EDNRB: variants seen among roughly 807,000 people sequenced by gnomAD.
EDNRB encodes the protein Hirschsprung disease 2.
A neutral mutation model predicts 46.4 loss-of-function variants in EDNRB; 18 were observed. That is an observed-to-expected ratio of 0.39 (90% CI 0.27 to 0.57). EDNRB has a LOEUF of 0.57. EDNRB is among the 20% of genes least tolerant of loss of function. The pLI, the probability that EDNRB is intolerant of heterozygous loss-of-function variation, is 0.61. For missense variants in EDNRB, 434 were observed against 537.5 expected, an observed-to-expected ratio of 0.81 and a Z score of 1.90; for synonymous variants, 213 against 204.9, an observed-to-expected ratio of 1.04 and a Z score of -0.34.
chr13:77,956,711 C>A (rs1237187849), intron 1 of EDNRB, among the ~76,000 whole-genome samples: 1 of 152,182 alleles, frequency 6.6e-6, no homozygotes, highest in South Asian at 2.1e-4. Context: ...TTTCTGGAGG[C>A]TATAAGAGAA....
chr13:77,945,938 C>G (rs1456224249), intron 1 of EDNRB, among the ~76,000 whole-genome samples: 1 of 148,342 alleles, frequency 6.7e-6, no homozygotes, highest in Non-Finnish European at 1.5e-5. Context: ...GTATCTGAAT[C>G]AGACTCAGAT....
intron 1 of EDNRB, among the ~76,000 whole-genome samples, chr13:77,962,785 G>A (rs1881465300): frequency 6.6e-6 from 1 of 152,162 alleles, no homozygotes; most frequent in African/African-American, 2.4e-5. Context: ...AATCAGGCAG[G>A]AGAAAGAAAT....
At chr13:77,931,384 T>C (rs1383070340) in intron 1 of EDNRB, among the ~76,000 whole-genome samples, 1 of 152,098 alleles carries the variant, frequency 6.6e-6, no homozygotes, top group Non-Finnish European at 1.5e-5. Flanking sequence ...TTGGAAAAAC[T>C]TTGGAAATAG....
chr13:77,960,587 C>T (rs1437896449), intron 1 of EDNRB, among the ~76,000 whole-genome samples: 1 of 152,096 alleles, frequency 6.6e-6, no homozygotes, highest in Non-Finnish European at 1.5e-5. Flanking sequence ...AAAAACATGC[C>T]AAATTGTAAA....
Position 77,961,250 on chromosome 13 carries a change from G to T in EDNRB, c.-52+14097C>A, listed in dbSNP as rs578052188. Among the ~76,000 whole-genome samples, 2 of 151,638 alleles carry T rather than the reference G, an allele frequency of 1.3e-5. 1 individual carries two copies. The highest frequency in any genetic ancestry group is 4.2e-4 in the South Asian group (2 of 4,774). On this transcript the variant is annotated intron_variant, in intron 1 of 7. Transcript: ENST00000646948. Reference sequence around the variant, plus strand: ...ATCAAGAGAATATACTCTCTTCTCAGCACCACGTCGCACTTATTCCAAACT... The same window carrying T: ...ATCAAGAGAATATACTCTCTTCTCATCACCACGTCGCACTTATTCCAAACT...
At chr13:77,938,174 A>C (rs988090651) in intron 1 of EDNRB, among the ~76,000 whole-genome samples, 6 of 152,074 alleles carry the variant, frequency 3.9e-5, no homozygotes, top group African/African-American at 1.4e-4. Flanking sequence ...GGTTGCCCAT[A>C]GTGAAGGAGG....
At chr13:77,919,498 C>T, upstream of EDNRB, 1 of 1,612,810 alleles carries the variant, frequency 6.2e-7, no homozygotes, top group Non-Finnish European at 8.5e-7. Context: ...GAGGAGCACG[C>T]CTCCCTTGAG....
chr13:77,918,066 C>G lies in EDNRB; in HGVS notation c.483+25G>C. 6.2e-7 allele frequency: 1 copy of G among 1,613,756 alleles called. No individual in the cohort carries two copies. The highest frequency in any genetic ancestry group is 8.5e-7 in the Non-Finnish European group (1 of 1,180,034). The stretch of plus-strand genomic sequence containing the variant: ...ACCAGGCCCCCTTCCTCAAGCCCAC[C>G]ATGATTTCAGCAGGCGCCCTTTACC... On this transcript the variant is annotated intron_variant, in intron 1 of 6. Transcript: ENST00000646607. This position sits in a 1 kb window ranked among gnomAD's most constrained non-coding sequence, Gnocchi z 4.5.
intron 1 of EDNRB, among the ~76,000 whole-genome samples, chr13:77,964,426 C>T (rs959097270): frequency 1.3e-5 from 2 of 152,200 alleles, no homozygotes; most frequent in Non-Finnish European, 2.9e-5. Flanking sequence ...GGCACATATA[C>T]ACCATGGAAT....
intron 1 of EDNRB, among the ~76,000 whole-genome samples, chr13:77,906,439 A>C (rs1879283273): frequency 6.6e-6 from 1 of 151,990 alleles, no homozygotes; most frequent in Non-Finnish European, 1.5e-5. Context: ...GATTGGACTT[A>C]GTGATTTGTT....
At chr13:77,960,818 G>T (rs1162806878) in intron 1 of EDNRB, among the ~76,000 whole-genome samples, 4 of 146,850 alleles carry the variant, frequency 2.7e-5, no homozygotes, top group African/African-American at 1.0e-4. Context: ...GACACACATA[G>T]GCTCAAAATA....
intron 1 of EDNRB, among the ~76,000 whole-genome samples, chr13:77,959,853 G>A (rs1175264824): frequency 6.6e-6 from 1 of 152,076 alleles, no homozygotes; most frequent in Non-Finnish European, 1.5e-5. Context: ...ATGACATGAT[G>A]GCACAAAAAA....
intron 1 of EDNRB, among the ~76,000 whole-genome samples, chr13:77,916,896 A>G (rs780201778): frequency 5.5e-5 from 8 of 146,418 alleles, no homozygotes; most frequent in Non-Finnish European, 9.0e-5. Flanking sequence ...AAATTTTCCA[A>G]CTGTTTTATT....
chr13:77,898,245 G>T lies in EDNRB; in HGVS notation c.1284C>A (p.His428Gln), dbSNP rs754498240. The change falls in exon 7 of 7, where the codon CAC becomes CAA. Residue 428 changes from histidine (H) to glutamine (Q), a missense_variant. By Grantham distance (24) the His-to-Gln change is conservative (BLOSUM62 0). Coordinates refer to ENST00000646607, the MANE Select transcript of EDNRB (RefSeq NM_001122659.3). ...QSCLKFKAND[H>Q]GYDNFRSSNK... Reference sequence around the variant, plus strand: ...TACTGGAACGGAAGTTGTCATATCCGTGATCATTAGCTTTGAACTTTAAGC... The same window carrying T: ...TACTGGAACGGAAGTTGTCATATCCTTGATCATTAGCTTTGAACTTTAAGC... The T allele has an allele frequency of 6.2e-7, 1 of 1,611,872 alleles. No homozygotes were observed. The highest frequency in any genetic ancestry group is 2.2e-5 in the East Asian group (1 of 44,758).
At chr13:77,955,779 T>C (rs777596854) in intron 1 of EDNRB, among the ~76,000 whole-genome samples, 4 of 152,098 alleles carry the variant, frequency 2.6e-5, no homozygotes, top group Non-Finnish European at 4.4e-5. Flanking sequence ...ATTAGTTAAA[T>C]TTAGGTGTGT....
chr13:77,904,512 T>TAG, intron 1 of EDNRB, among the ~76,000 whole-genome samples: 1 of 151,984 alleles, frequency 6.6e-6, no homozygotes. Flanking sequence ...GCTTGATTCA[T>TAG]AGACTCTAAA....
chr13:77,917,605 A>C (rs1879875005), intron 1 of EDNRB, among the ~76,000 whole-genome samples: 1 of 152,204 alleles, frequency 6.6e-6, no homozygotes, highest in South Asian at 2.1e-4. Flanking sequence ...CTGACTGTCC[A>C]TGGACCACAC....
At chr13:77,949,916 A>G (rs1402857594) in intron 1 of EDNRB, among the ~76,000 whole-genome samples, 4 of 152,154 alleles carry the variant, frequency 2.6e-5, no homozygotes, top group African/African-American at 7.2e-5. Flanking sequence ...CCAACCAAAG[A>G]GTGACCATAT....
At chr13:77,954,679 G>T (rs61578372) in intron 1 of EDNRB, among the ~76,000 whole-genome samples, 1 of 151,840 alleles carries the variant, frequency 6.6e-6, no homozygotes, top group Non-Finnish European at 1.5e-5. Context: ...GCTAATTTTT[G>T]TATTTTTAGT....
Sources: gnomAD v4.1 joint callset for allele counts (sites outside exome capture counted in the v4.1 genomes callset) on GRCh38, gnomAD v4.1.1 for gene constraint, Gnocchi (gnomAD v3.1) non-coding constraint, MANE v1.5 for transcripts, NCBI Gene and HGNC (gene_info 2026-07-23, HGNC 2026-07-21) for gene names.